The following KCTD16 variants were observed in gnomAD, a reference collection of about 807,000 sequenced individuals.
KCTD16 encodes BTB/POZ domain-containing protein KCTD16.
Under a neutral mutation model 33.2 loss-of-function variants are expected in KCTD16, and 13 were observed. The ratio of observed to expected loss-of-function variants is 0.39; its 90% CI spans 0.25 to 0.62. The LOEUF is 0.62. Among genes scored for constraint, KCTD16 ranks in the 20% least tolerant of loss-of-function variants. The probability of loss-of-function intolerance (pLI) is 0.50; values close to 1 mark genes in which losing one functional copy is unlikely to be tolerated. For synonymous variants in KCTD16, 197 were observed against 195.3 expected, an observed-to-expected ratio of 1.01 and a Z score of -0.07; for missense variants, 441 against 525.1, an observed-to-expected ratio of 0.84 and a Z score of 1.57.
intron 3 of KCTD16, among the ~76,000 whole-genome samples, chr5:144,273,437 A>G (rs1358612305): frequency 6.6e-6 from 1 of 152,180 alleles, no homozygotes; most frequent in Admixed American, 6.5e-5. Context: ...TTAAAAATAG[A>G]ATTACCATAT....
rs530240180 is a variant in KCTD16, at chr5:144,454,714, G to A, written c.833-18946G>A. 5.1e-4 allele frequency among the ~76,000 whole-genome samples: 77 copies of A among 152,134 alleles called. 1 individual carries two copies. The highest frequency in any genetic ancestry group is 2.6e-4 in the African/African-American group (11 of 41,518). On this transcript the variant is annotated intron_variant, in intron 3 of 3. Transcript: ENST00000512467. The stretch of plus-strand genomic sequence containing the variant: ...TTATCCTCTCTTCTTTACCCTATGG[G>A]TATAGAGTACTTTTTACCAGGAGGG...
At chr5:144,346,080 A>G (rs549276140) in intron 3 of KCTD16, among the ~76,000 whole-genome samples, 6 of 150,916 alleles carry the variant, frequency 4.0e-5, no homozygotes, top group Admixed American at 4.0e-4. Flanking sequence ...TGATTTTTAG[A>G]TCCCACAAAT....
intron 3 of KCTD16, among the ~76,000 whole-genome samples, chr5:144,347,109 A>T (rs903916084): frequency 9.9e-5 from 15 of 152,200 alleles, no homozygotes; most frequent in African/African-American, 3.6e-4. Context: ...TGATGTGATT[A>T]GATTACATTA....
At chr5:144,199,931 T>G (rs1419127938) in intron 2 of KCTD16, among the ~76,000 whole-genome samples, 1 of 151,968 alleles carries the variant, frequency 6.6e-6, no homozygotes, top group Non-Finnish European at 1.5e-5. Context: ...GCCAGGATGG[T>G]CTCGATCTCC....
intron 3 of KCTD16, among the ~76,000 whole-genome samples, chr5:144,411,059 A>G (rs1285059007): frequency 6.6e-6 from 1 of 152,222 alleles, no homozygotes; most frequent in African/African-American, 2.4e-5. Context: ...ATAGAAAGGC[A>G]TTCTATGCTC....
At chr5:144,415,118 C>T (rs750511990) in intron 3 of KCTD16, among the ~76,000 whole-genome samples, 1 of 152,146 alleles carries the variant, frequency 6.6e-6, no homozygotes, top group East Asian at 1.9e-4. Context: ...CTGTGCCCTA[C>T]TATGCAGCAA....
intron 3 of KCTD16, among the ~76,000 whole-genome samples, chr5:144,352,035 T>C (rs1479391565): frequency 6.6e-6 from 1 of 152,210 alleles, no homozygotes; most frequent in Non-Finnish European, 1.5e-5. Context: ...TTAACTATTC[T>C]TAACAAAAAA....
chr5:144,207,824 C>G (rs888917349), intron 3 of KCTD16, among the ~76,000 whole-genome samples: 1 of 152,104 alleles, frequency 6.6e-6, no homozygotes, highest in Non-Finnish European at 1.5e-5. Context: ...GCATGTATGT[C>G]TTTTTGTTTT....
chr5:144,225,159 A>T (rs530131008), intron 3 of KCTD16, among the ~76,000 whole-genome samples: 10 of 152,286 alleles, frequency 6.6e-5, no homozygotes, highest in African/African-American at 2.4e-4. Flanking sequence ...GCCTCACAAG[A>T]TAAAATGAGA....
chr5:144,401,466 G>A (rs904120808), intron 3 of KCTD16, among the ~76,000 whole-genome samples: 3 of 152,140 alleles, frequency 2.0e-5, no homozygotes, highest in African/African-American at 7.2e-5. Flanking sequence ...ATTAAAAAAA[G>A]TTAAAGACAT....
chr5:144,427,196 A>T (rs886320926), intron 3 of KCTD16, among the ~76,000 whole-genome samples: 10 of 151,990 alleles, frequency 6.6e-5, no homozygotes, highest in African/African-American at 2.4e-4. Flanking sequence ...ATGTTTCAGG[A>T]TAAAGAAGTT....
chr5:144,196,480 A>T (rs903804147), intron 2 of KCTD16, among the ~76,000 whole-genome samples: 10 of 152,114 alleles, frequency 6.6e-5, no homozygotes, highest in African/African-American at 2.2e-4. Context: ...TAGCCCTTTC[A>T]TCTAATTTTT....
chr5:144,260,979 C>A (rs1754991686), intron 3 of KCTD16, among the ~76,000 whole-genome samples: 1 of 151,732 alleles, frequency 6.6e-6, no homozygotes, highest in African/African-American at 2.4e-5. Context: ...TTTTCTCCTT[C>A]CTGAGCTTAC....
chr5:144,431,023 A>G (rs1753447227), intron 3 of KCTD16, among the ~76,000 whole-genome samples: 2 of 152,144 alleles, frequency 1.3e-5, no homozygotes, highest in Non-Finnish European at 2.9e-5. Context: ...TGAAGACCAA[A>G]CGTATAGCCC....
chr5:144,428,825 G>A (rs981305529), intron 3 of KCTD16, among the ~76,000 whole-genome samples: 2 of 152,124 alleles, frequency 1.3e-5, no homozygotes, highest in African/African-American at 4.8e-5. Context: ...GTCAAGGTTG[G>A]GAAGAAAATA....
intron 3 of KCTD16, among the ~76,000 whole-genome samples, chr5:144,451,783 C>T (rs559565531): frequency 6.6e-6 from 1 of 152,160 alleles, no homozygotes; most frequent in African/African-American, 2.4e-5. Flanking sequence ...CATTGCATTT[C>T]CTGAGGCAAT....
At chr5:144,468,079 C>A (rs1561619407) in intron 3 of KCTD16, among the ~76,000 whole-genome samples, 1 of 152,140 alleles carries the variant, frequency 6.6e-6, no homozygotes, top group African/African-American at 2.4e-5. Context: ...CTTTTTTCCC[C>A]TCTATAATCC....
chr5:144,413,522 C>T (rs181391709), intron 3 of KCTD16, among the ~76,000 whole-genome samples: 546 of 152,238 alleles, frequency 3.6e-3, no homozygotes, highest in Non-Finnish European at 5.8e-3. Context: ...AAAATGTTCA[C>T]GTGTATTTTT....
At chr5:144,293,824 C>G (rs1463760937) in intron 3 of KCTD16, among the ~76,000 whole-genome samples, 1 of 152,180 alleles carries the variant, frequency 6.6e-6, no homozygotes, top group Non-Finnish European at 1.5e-5. Context: ...AGAAAATTAT[C>G]TAGTATTTTA....
Sources: allele counts gnomAD v4.1 joint callset (sites outside exome capture counted in the v4.1 genomes callset), GRCh38; gene constraint gnomAD v4.1.1; transcripts MANE v1.5; gene names NCBI Gene and HGNC (gene_info 2026-07-23, HGNC 2026-07-21).